Variants in HEMK2 observed in about 807,000 individuals in gnomAD.
The protein encoded by HEMK2 is methyltransferase HEMK2.
chr21:28,626,169 A>G, the HEMK2 span, among the ~76,000 whole-genome samples: 1 of 152,148 alleles, frequency 6.6e-6, no homozygotes, highest in Non-Finnish European at 1.5e-5. Flanking sequence ...TTTTTATGTT[A>G]TATGTAAAAG....
chr21:28,768,654 T>A, the HEMK2 span, among the ~76,000 whole-genome samples: 445 of 152,062 alleles, frequency 2.9e-3, 1 homozygote, highest in African/African-American at 0.01. Flanking sequence ...CAATGGAGCA[T>A]CTCATGGTCA....
the HEMK2 span, among the ~76,000 whole-genome samples, chr21:28,812,523 T>C: frequency 6.6e-6 from 1 of 152,232 alleles, no homozygotes; most frequent in Admixed American, 6.5e-5. Flanking sequence ...TTTGATGTGC[T>C]GCTAGATTCG....
chr21:28,780,502 G>A, the HEMK2 span, among the ~76,000 whole-genome samples: 2 of 144,448 alleles, frequency 1.4e-5, no homozygotes, highest in Non-Finnish European at 3.0e-5. Flanking sequence ...TAATAGAGAC[G>A]GGGTTTCACC....
At chr21:28,828,813 C>A in the HEMK2 span, among the ~76,000 whole-genome samples, 1 of 152,166 alleles carries the variant, frequency 6.6e-6, no homozygotes, top group African/African-American at 2.4e-5. Context: ...ACCGACTCAG[C>A]TGCAACAACC....
At chr21:28,777,342 A>G in the HEMK2 span, among the ~76,000 whole-genome samples, 174 of 152,324 alleles carry the variant, frequency 1.1e-3, 4 homozygotes, top group East Asian at 0.013. Flanking sequence ...TACCCAGCAA[A>G]GAGAAGGTGA....
the HEMK2 span, among the ~76,000 whole-genome samples, chr21:28,687,425 G>A: frequency 6.6e-6 from 1 of 152,140 alleles, no homozygotes; most frequent in African/African-American, 2.4e-5. Context: ...GGGTTTTGTG[G>A]AGGAGATTCA....
At chr21:28,721,941 C>CACA in the HEMK2 span, among the ~76,000 whole-genome samples, 14 of 148,248 alleles carry the variant, frequency 9.4e-5, no homozygotes, top group African/African-American at 2.8e-4. Context: ...CACACACATA[C>CACA]ACCTATTTGA....
the HEMK2 span, among the ~76,000 whole-genome samples, chr21:28,751,644 G>A: frequency 6.6e-6 from 1 of 152,132 alleles, no homozygotes; most frequent in Admixed American, 6.5e-5. Flanking sequence ...TAACATCTAC[G>A]TTTTGTTCAG....
the HEMK2 span, among the ~76,000 whole-genome samples, chr21:28,726,531 C>T: frequency 4.3e-4 from 66 of 152,218 alleles, no homozygotes; most frequent in African/African-American, 1.4e-3. Flanking sequence ...AAAATAGAAT[C>T]GATTTTATTA....
At chr21:28,779,763 C>T in the HEMK2 span, among the ~76,000 whole-genome samples, 1 of 152,112 alleles carries the variant, frequency 6.6e-6, no homozygotes, top group Admixed American at 6.6e-5. Context: ...AGGACAATTC[C>T]AAGGTGTCTA....
chr21:28,841,405 A>AAT, the HEMK2 span, among the ~76,000 whole-genome samples: 1 of 35,170 alleles, frequency 2.8e-5, no homozygotes, highest in African/African-American at 2.4e-4. Flanking sequence ...TTATATATAT[A>AAT]ATATATATAT....
the HEMK2 span, among the ~76,000 whole-genome samples, chr21:28,598,757 AC>A: frequency 6.6e-6 from 1 of 152,224 alleles, no homozygotes; most frequent in Non-Finnish European, 1.5e-5. Flanking sequence ...CAAGTCAAAA[AC>A]AGTGAGTAGA....
chr21:28,611,408 A>G, the HEMK2 span, among the ~76,000 whole-genome samples: 1 of 152,200 alleles, frequency 6.6e-6, no homozygotes, highest in Non-Finnish European at 1.5e-5. Flanking sequence ...CGATATTACA[A>G]CTGATACCAC....
At chr21:28,850,695 G>A in the HEMK2 span, among the ~76,000 whole-genome samples, 2 of 152,238 alleles carry the variant, frequency 1.3e-5, no homozygotes, top group Non-Finnish European at 2.9e-5. Context: ...ACCATTACTG[G>A]CCACCACAAA....
At chr21:28,841,426 A>ATATATATAT in the HEMK2 span, among the ~76,000 whole-genome samples, 1 of 47,126 alleles carries the variant, frequency 2.1e-5, no homozygotes, top group African/African-American at 1.1e-4. Flanking sequence ...TATATATATA[A>ATATATATAT]AATATATATA....
the HEMK2 span, among the ~76,000 whole-genome samples, chr21:28,761,520 C>T: frequency 6.6e-6 from 1 of 151,776 alleles, no homozygotes; most frequent in Non-Finnish European, 1.5e-5. Context: ...AGTTTATTCC[C>T]TTGGTTACCT....
the HEMK2 span, among the ~76,000 whole-genome samples, chr21:28,616,337 G>A: frequency 2.0e-5 from 3 of 152,092 alleles, no homozygotes; most frequent in African/African-American, 7.2e-5. Flanking sequence ...GACAAGACTT[G>A]CCATTGAAAC....
the HEMK2 span, among the ~76,000 whole-genome samples, chr21:28,830,390 G>C: frequency 6.6e-6 from 1 of 152,096 alleles, no homozygotes; most frequent in South Asian, 2.1e-4. Context: ...GGTGAGACGT[G>C]CTTGCTTCCC....
chr21:28,738,745 A>G, the HEMK2 span, among the ~76,000 whole-genome samples: 4 of 152,340 alleles, frequency 2.6e-5, no homozygotes, highest in Admixed American at 6.5e-5. Context: ...TCTAGTCCCC[A>G]ACATTTTTGC....
Sources: gnomAD v4.1 joint callset for allele counts (sites outside exome capture counted in the v4.1 genomes callset) on GRCh38, gnomAD v4.1.1 for gene constraint, MANE v1.5 for transcripts, NCBI Gene and HGNC (gene_info 2026-07-23, HGNC 2026-07-21) for gene names.